Variants in C5orf15 observed in about 807,000 individuals in gnomAD.
The protein encoded by C5orf15 is keratinocyte-associated transmembrane protein 2.
In C5orf15, 10 loss-of-function variants were observed where a neutral mutation model predicts 17.8. The observed-to-expected ratio is 0.56, with a 90% confidence interval of 0.35 to 0.95. The LOEUF (loss-of-function observed/expected upper bound fraction) is 0.95, where lower values mean the gene tolerates loss of function less well. Among genes scored for constraint, C5orf15 ranks in the 40% least tolerant of loss-of-function variants. C5orf15 has a pLI of 0.02. For missense variants in C5orf15, 319 were observed against 331.7 expected (o/e 0.96, Z 0.30); for synonymous variants, 124 against 131.0 (o/e 0.95, Z 0.36).
chr5:133,965,869 G>C (rs1439239974), intron 1 of C5orf15, among the ~76,000 whole-genome samples: 2 of 152,186 alleles, frequency 1.3e-5, no homozygotes, highest in Non-Finnish European at 2.9e-5. Flanking sequence ...AAGTTGCAAT[G>C]GGCCAAGTTT....
chr5:133,958,221 AAAT>A (rs1428686994), intron 2 of C5orf15, among the ~76,000 whole-genome samples: 3 of 151,928 alleles, frequency 2.0e-5, no homozygotes, highest in Non-Finnish European at 2.9e-5. Flanking sequence ...TCTCAAAAAA[AAAT>A]AATGTTTTTA....
intron 1 of C5orf15, among the ~76,000 whole-genome samples, chr5:133,962,750 A>C (rs897783447): frequency 2.6e-5 from 4 of 151,950 alleles, no homozygotes. Flanking sequence ...TGCTGGCAAG[A>C]CCTCCTATCC....
chr5:133,967,255 G>C (rs1015987388), intron 1 of C5orf15: 1 of 152,342 alleles, frequency 6.6e-6, no homozygotes, highest in South Asian at 2.1e-4. Context: ...TCCTTCCTCA[G>C]GGACTGCAAA....
chr5:133,961,232 TAAAAAAAA>T (rs56684565), intron 1 of C5orf15, among the ~76,000 whole-genome samples: 5 of 30,436 alleles, frequency 1.6e-4, no homozygotes, highest in South Asian at 1.3e-3. Flanking sequence ...AGTCAGTTAG[TAAAAAAAA>T]AAAAAAAAAA....
At position 133,956,459 on chromosome 5, in the gene C5orf15, CA is replaced by C. The variant is rs956007143; in HGVS notation, c.*399del. The C allele has an allele frequency of 1.7e-4, 26 of 154,158 alleles. No homozygotes were observed. Among genetic ancestry groups the C allele is most frequent in the Non-Finnish European group, 2.0e-4 (14 of 70,360 alleles). The allele number at this position is 154,158 out of a possible 1,614,324, so 9.5% of individuals were successfully genotyped here. The stretch of plus-strand genomic sequence containing the variant: ...ATCCTTGTACATTACAGTTTGGGAA[CA>C]AAAAAAAATGTGGATAAAAAATAGT... On this transcript the variant is annotated 3_prime_UTR_variant, in exon 3 of 3. Coordinates refer to ENST00000231512, the MANE Select transcript of C5orf15 (RefSeq NM_020199.3).
chr5:133,963,931 A>T (rs937949900), intron 1 of C5orf15, among the ~76,000 whole-genome samples: 3 of 152,212 alleles, frequency 2.0e-5, no homozygotes, highest in Non-Finnish European at 4.4e-5. Flanking sequence ...ATTTAAAGGA[A>T]CAAACAACCA....
Position 133,959,525 on chromosome 5 carries a change from A to G in C5orf15, c.635T>C (p.Val212Ala). 1 of 1,584,280 alleles carries G rather than the reference A, an allele frequency of 6.3e-7. No individual in the cohort carries two copies. Among genetic ancestry groups the G allele is most frequent in the Non-Finnish European group, 8.6e-7 (1 of 1,167,260 alleles). Residue 212 changes from valine (V) to alanine (A), a missense_variant, in exon 2 of 3, where the codon GTT becomes GCT. Physicochemically the swap from Val to Ala is moderately conservative, Grantham distance 64. This residue lies in a region of C5orf15 where 175 missense variants were observed against 192.4 expected (regional missense o/e 0.91). Transcript: ENST00000231512. ...TTTGTTGTGATATGTAATGTAAACA[A>G]CAGCAATGCAAAAAGCAAAAATAAT... is the stretch of plus-strand genomic sequence containing the variant. The part of the protein sequence containing the change: ...HLIIFAFCIA[V>A]VYITYHNKRK...
intron 1 of C5orf15, among the ~76,000 whole-genome samples, 171 bp downstream of exon 1, chr5:133,968,275 C>A (rs1054486565): frequency 6.6e-6 from 1 of 152,052 alleles, no homozygotes; most frequent in Non-Finnish European, 1.5e-5. Flanking sequence ...CACCTTGGAC[C>A]CCTTCAGACA....
intron 1 of C5orf15, among the ~76,000 whole-genome samples, chr5:133,963,779 C>T (rs1205489489): frequency 6.9e-6 from 1 of 145,134 alleles, no homozygotes; most frequent in African/African-American, 2.4e-5. Flanking sequence ...GACAGGGTCT[C>T]GCTTTGTCAC....
In C5orf15 at chr5:133,956,904, A is replaced by T. The variant is rs1341290266; in HGVS notation, c.753T>A (p.Asn251Lys). 7.5e-6 allele frequency: 12 copies of T among 1,608,618 alleles called. 1 individual carries two copies. The Admixed American group carries it at 1.9e-4, about 25-fold the overall frequency. The change falls in exon 3 of 3, where the codon AAT becomes AAA. Residue 251 changes from asparagine (N) to lysine (K), a missense_variant. Asn to Lys is a moderately conservative substitution (Grantham distance 94). Transcript: ENST00000231512. ...VEYHRLDQNV[N>K]EAMPSLKITN... Reference sequence around the variant, plus strand: ...TAATCTTCAAAGAAGGCATTGCCTCATTAACATTCTGATCTAGGCGATGGT... The same window carrying T: ...TAATCTTCAAAGAAGGCATTGCCTCTTTAACATTCTGATCTAGGCGATGGT...
In C5orf15 at chr5:133,961,525, G is replaced by C. The variant is rs59570069; in HGVS notation, c.140-1505C>G. 4.2e-3 allele frequency among the ~76,000 whole-genome samples: 554 copies of C among 132,706 alleles called. 7 individuals carry two copies. The highest frequency in any genetic ancestry group is 0.017 in the Admixed American group (208 of 11,912). The allele number at this position is 132,706 out of a possible 152,430, so 87.1% of individuals were successfully genotyped here. On this transcript the variant is annotated intron_variant, in intron 1 of 2. Coordinates refer to ENST00000231512, the MANE Select transcript of C5orf15 (RefSeq NM_020199.3). ...GGCGCCACTGCACTCTAGCCTGGCC[G>C]ACAGAGCAAGACCACATCTCAAAAA...
chr5:133,959,991 T>A lies in C5orf15; in HGVS notation c.169A>T (p.Thr57Ser). The change falls in exon 2 of 3, where the codon ACC becomes TCC. Residue 57 changes from threonine to serine, a missense_variant. By Grantham distance (58) the Thr-to-Ser change is moderately conservative. Around this residue, in one of 3 missense-constraint regions of C5orf15, gnomAD observed 127 missense variants for 95.6 expected, o/e 1.33. Coordinates refer to ENST00000231512, the MANE Select transcript of C5orf15 (RefSeq NM_020199.3). The part of the protein sequence containing the change: ...VVSRTDSPSP[T>S]VLNSHISTPN... ...GTAGAAATATGTGAGTTGAGTACGGTTGGGCTCGGTGAATCAGTCCGTGAT... is the reference window on the plus strand; with the variant it reads ...GTAGAAATATGTGAGTTGAGTACGGATGGGCTCGGTGAATCAGTCCGTGAT... 2 of 1,611,500 alleles carry A rather than the reference T, an allele frequency of 1.2e-6. No homozygotes were observed. Among genetic ancestry groups the A allele is most frequent in the Non-Finnish European group, 8.5e-7 (1 of 1,177,818 alleles).
chr5:133,956,102 C>T lies in C5orf15; in HGVS notation c.*757G>A, dbSNP rs1380061367. ...ATATAATTTTAAACTCTGCCCATTGCTTGAAACCTTGGAGGAACCCATGCT... is the reference window on the plus strand; with the variant it reads ...ATATAATTTTAAACTCTGCCCATTGTTTGAAACCTTGGAGGAACCCATGCT... On this transcript the variant is annotated 3_prime_UTR_variant, in exon 3 of 3. Coordinates refer to ENST00000231512, the MANE Select transcript of C5orf15 (RefSeq NM_020199.3). 4 of 152,594 alleles carry T rather than the reference C, an allele frequency of 2.6e-5. No individual in the cohort carries two copies. Among genetic ancestry groups the T allele is most frequent in the Admixed American group, 6.5e-5 (1 of 15,286 alleles). The allele number at this position is 152,594 out of a possible 1,614,324, so 9.5% of individuals were successfully genotyped here. A position where few individuals can be genotyped will look rare whatever the true frequency, so the allele number is the denominator to read the frequency against.
intron 2 of C5orf15, among the ~76,000 whole-genome samples, chr5:133,958,437 C>T (rs190320438): frequency 1.3e-5 from 2 of 151,724 alleles, no homozygotes; most frequent in Admixed American, 1.3e-4. Flanking sequence ...ATTAGCCAGG[C>T]GTGGTGGCCT....
chr5:133,961,593 C>CTT (rs555242447), intron 1 of C5orf15, among the ~76,000 whole-genome samples: 135 of 142,170 alleles, frequency 9.5e-4, no homozygotes, highest in African/African-American at 2.4e-3. Context: ...CTCTTTTTCC[C>CTT]TTTTTTTTTT....
At chr5:133,961,545 CAA>C (rs756460747) in intron 1 of C5orf15, among the ~76,000 whole-genome samples, 3 of 61,304 alleles carry the variant, frequency 4.9e-5, no homozygotes, top group Admixed American at 3.8e-4. Context: ...GACCACATCT[CAA>C]AAAAAAAAAA....
intron 2 of C5orf15, 90 bp downstream of exon 2, chr5:133,959,404 C>CAAAAAAAA (rs397999300): frequency 4.0e-5 from 5 of 124,560 alleles, no homozygotes; most frequent in African/African-American, 2.6e-4. Context: ...CTTTTTTTTG[C>CAAAAAAAA]AAAAAAAAAA....
chr5:133,964,363 C>T (rs1405788729), intron 1 of C5orf15, among the ~76,000 whole-genome samples: 1 of 152,010 alleles, frequency 6.6e-6, no homozygotes, highest in Non-Finnish European at 1.5e-5. Context: ...CTCAAAATTA[C>T]CAACTTATAC....
At chr5:133,963,622 CAAA>C (rs1752151707) in intron 1 of C5orf15, among the ~76,000 whole-genome samples, 1 of 151,992 alleles carries the variant, frequency 6.6e-6, no homozygotes, top group Non-Finnish European at 1.5e-5. Context: ...AGGCTAAAGA[CAAA>C]AAATAAAAAT....
Sources: allele counts gnomAD v4.1 joint callset (sites outside exome capture counted in the v4.1 genomes callset), GRCh38; gene constraint gnomAD v4.1.1; regional missense constraint gnomAD v4.1.1; transcripts MANE v1.5; gene names NCBI Gene and HGNC (gene_info 2026-07-23, HGNC 2026-07-21).